Variants in GABRA3 observed in about 807,000 individuals in gnomAD.
GABRA3 encodes the protein gamma-aminobutyric acid receptor subunit alpha-3.
GABRA3 carries 10 observed loss-of-function variants against 30.1 expected under a neutral mutation model. The observed-to-expected ratio is 0.33, with a 90% CI of 0.20 to 0.56. The LOEUF (loss-of-function observed/expected upper bound fraction) is 0.56, where lower values mean the gene tolerates loss of function less well. Ranked by LOEUF, GABRA3 falls within the 20% of genes least tolerant of loss-of-function variation. GABRA3 has a pLI of 0.89. For missense variants in GABRA3, 233 were observed against 392.0 expected (o/e 0.59, Z 3.42); for synonymous variants, 151 against 146.8 (o/e 1.03, Z -0.21).
At chrX:152,275,770 A>G (rs1939072529) in intron 4 of GABRA3, among the ~76,000 whole-genome samples, 1 of 108,629 alleles carries the variant, frequency 9.2e-6, no homozygotes, top group South Asian at 3.7e-4. Flanking sequence ...AAATAAATAA[A>G]TAAATAAATA....
At chrX:152,331,788 T>G (rs1940170335) in intron 3 of GABRA3, among the ~76,000 whole-genome samples, 1 of 111,773 alleles carries the variant, frequency 8.9e-6, no homozygotes, top group African/African-American at 3.3e-5. Context: ...AAGTCTCCTC[T>G]CAGTCCAAGA....
intron 3 of GABRA3, among the ~76,000 whole-genome samples, chrX:152,289,198 A>G (rs1231819421): frequency 9.2e-6 from 1 of 109,270 alleles, no homozygotes; most frequent in East Asian, 2.9e-4. Context: ...GTTTTACCTC[A>G]AATATATGTC....
At chrX:152,437,805 T>C (rs1930814470) in intron 1 of GABRA3, among the ~76,000 whole-genome samples, 2 of 111,984 alleles carry the variant, frequency 1.8e-5, no homozygotes, top group South Asian at 3.7e-4. Context: ...TAACTGGTCA[T>C]CCACTTGCAG....
At chrX:152,336,458 C>T (rs1019970340) in intron 3 of GABRA3, among the ~76,000 whole-genome samples, 43 of 112,063 alleles carry the variant, frequency 3.8e-4, no homozygotes, top group African/African-American at 1.3e-3. Context: ...CCATGGGTTT[C>T]CATACCTTGC....
intron 1 of GABRA3, among the ~76,000 whole-genome samples, chrX:152,444,757 TGTTTGTTTGTTTG>T (rs1569426334): frequency 1.3e-4 from 9 of 69,551 alleles, no homozygotes; most frequent in Admixed American, 5.7e-4. Flanking sequence ...TGTTTTTTTT[TGTTTGTTTGTTTG>T]TTTTTTTTTG....
At chrX:152,272,829 A>C (rs1938971127) in intron 4 of GABRA3, among the ~76,000 whole-genome samples, 1 of 111,260 alleles carries the variant, frequency 9.0e-6, no homozygotes, top group Admixed American at 9.6e-5. Flanking sequence ...TGGTTTTATA[A>C]GGGGATTTTC....
At chrX:152,254,635 C>G (rs144600995) in intron 5 of GABRA3, among the ~76,000 whole-genome samples, 213 of 111,517 alleles carry the variant, frequency 1.9e-3, no homozygotes, top group African/African-American at 6.4e-3. Flanking sequence ...TTTTCCTTGA[C>G]CATCTCCTCA....
intron 5 of GABRA3, among the ~76,000 whole-genome samples, chrX:152,225,319 T>C (rs940821169): frequency 9.1e-6 from 1 of 109,809 alleles, no homozygotes; most frequent in Non-Finnish European, 1.9e-5. Context: ...ACAAAAAACA[T>C]AATTCTGCTG....
intron 1 of GABRA3, among the ~76,000 whole-genome samples, chrX:152,423,376 T>C (rs1930425399): frequency 8.9e-6 from 1 of 112,231 alleles, no homozygotes; most frequent in Admixed American, 9.5e-5. Context: ...TAAGTGAAAT[T>C]AAATCAAGGG....
At chrX:152,272,942 G>A (rs781079942) in intron 4 of GABRA3, among the ~76,000 whole-genome samples, 3 of 111,333 alleles carry the variant, frequency 2.7e-5, no homozygotes, top group Non-Finnish European at 3.8e-5. Flanking sequence ...CCAGTCATGC[G>A]GAACTGTGAG....
rs149861222 is a variant in GABRA3, at chrX:152,321,822, C to A, written c.262+23759G>T. ...ATTGGGGTTATACAAAGTACACAGA[C>A]CTTCATGTCAAACATGCTGAATTCC... On this transcript the variant is annotated intron_variant, in intron 3 of 9. Coordinates refer to ENST00000370314, the MANE Select transcript of GABRA3 (RefSeq NM_000808.4). 4.9e-3 allele frequency among the ~76,000 whole-genome samples: 549 copies of A among 111,160 alleles called. 3 individuals carry two copies. The highest frequency in any genetic ancestry group is 0.017 in the African/African-American group (521 of 30,574).
chrX:152,369,626 A>G (rs1928774575), intron 1 of GABRA3, among the ~76,000 whole-genome samples: 1 of 111,103 alleles, frequency 9.0e-6, no homozygotes, highest in Non-Finnish European at 1.9e-5. Context: ...TTAAAATATC[A>G]TCTTTTCATT....
chrX:152,186,292 C>T (rs373969186), intron 9 of GABRA3, among the ~76,000 whole-genome samples: 29 of 110,742 alleles, frequency 2.6e-4, no homozygotes, highest in African/African-American at 9.2e-4. Flanking sequence ...TCTCGACTCA[C>T]TGCAACCTCC....
chrX:152,248,668 T>A (rs1446421694), intron 5 of GABRA3, among the ~76,000 whole-genome samples: 1 of 111,599 alleles, frequency 9.0e-6, no homozygotes, highest in African/African-American at 3.3e-5. Flanking sequence ...TCTTGTCATG[T>A]CTTTCACTTT....
chrX:152,262,943 A>C (rs1276543113), intron 4 of GABRA3, among the ~76,000 whole-genome samples: 2 of 112,027 alleles, frequency 1.8e-5, no homozygotes, highest in Non-Finnish European at 3.8e-5. Flanking sequence ...ATTAAATCAC[A>C]GTTCAGCATG....
At chrX:152,438,370 T>C (rs1329325020) in intron 1 of GABRA3, among the ~76,000 whole-genome samples, 1 of 112,168 alleles carries the variant, frequency 8.9e-6, no homozygotes, top group East Asian at 2.8e-4. Context: ...CAGTGCAAAA[T>C]GATATAGCCA....
intron 1 of GABRA3, among the ~76,000 whole-genome samples, chrX:152,372,794 C>T (rs1928876450): frequency 8.9e-6 from 1 of 111,993 alleles, no homozygotes; most frequent in Admixed American, 9.5e-5. Context: ...TAAAGGAAAA[C>T]TTTTCTGTTC....
chrX:152,255,031 A>C (rs1402820472), intron 5 of GABRA3, among the ~76,000 whole-genome samples: 1 of 111,872 alleles, frequency 8.9e-6, no homozygotes, highest in Non-Finnish European at 1.9e-5. Context: ...TGACAGTAAC[A>C]AGTTATGAAA....
At chrX:152,239,499 G>T (rs1194505704) in intron 5 of GABRA3, among the ~76,000 whole-genome samples, 1 of 93,935 alleles carries the variant, frequency 1.1e-5, no homozygotes, top group Non-Finnish European at 2.1e-5. Flanking sequence ...TTCTGTAGAT[G>T]TCTATTAGGT....
Sources: gnomAD v4.1 joint callset for allele counts (sites outside exome capture counted in the v4.1 genomes callset) on GRCh38, gnomAD v4.1.1 for gene constraint, MANE v1.5 for transcripts, NCBI Gene and HGNC (gene_info 2026-07-23, HGNC 2026-07-21) for gene names.